AKR1C3: variants seen among roughly 807,000 people sequenced by gnomAD.
The protein encoded by AKR1C3 is 3-alpha hydroxysteroid dehydrogenase, type II.
In AKR1C3, 48 loss-of-function variants were observed where a neutral mutation model predicts 43.6. That is an observed-to-expected ratio of 1.10 (90% confidence interval 0.87 to 1.40). The LOEUF is 1.40. Among genes scored for constraint, AKR1C3 ranks in the 40% most tolerant of loss-of-function variants. The pLI is 0.00. For synonymous variants in AKR1C3, 162 were observed against 139.6 expected (o/e 1.16, Z -1.13); for missense variants, 482 against 391.2 (o/e 1.23, Z -1.96).
chr10:5,100,188 G>A (rs1839313498), intron 5 of AKR1C3, among the ~76,000 whole-genome samples: 1 of 152,226 alleles, frequency 6.6e-6, no homozygotes, highest in Admixed American at 6.5e-5. Context: ...CAGCTACTTG[G>A]GAGGCTGAGG....
chr10:5,060,975 G>A lies in AKR1C3; in HGVS notation c.84+12080G>A, dbSNP rs115954612. Among the ~76,000 whole-genome samples the A allele has an allele frequency of 2.2e-3, 335 of 152,330 alleles. 2 individuals carry two copies. The highest frequency in any genetic ancestry group is 7.8e-3 in the African/African-American group (324 of 41,588). Reference sequence around the variant, plus strand: ...GAGCCCATGCCCACCTGGAACTCACGCTGGCCCACAAGCGTGGCGCACAGC... The same window carrying A: ...GAGCCCATGCCCACCTGGAACTCACACTGGCCCACAAGCGTGGCGCACAGC... On this transcript the variant is annotated intron_variant, in intron 1 of 8. Coordinates refer to the AKR1C3 transcript ENST00000439082.
At chr10:5,098,083 C>A in intron 3 of AKR1C3, 2 of 994,154 alleles carry the variant, frequency 2.0e-6, no homozygotes, top group Non-Finnish European at 2.4e-6. Flanking sequence ...CCAGGAATTA[C>A]TGTGTAGTGT....
intron 6 of AKR1C3, 26 bp from the exon 7 acceptor site, chr10:5,102,459 C>G (rs782657910): frequency 7.5e-6 from 11 of 1,470,422 alleles, no homozygotes; most frequent in Admixed American, 2.2e-5. Context: ...GCCTCAGGGC[C>G]TCAGCCTTTC....
At chr10:5,058,308 C>G (rs1338809785) in intron 1 of AKR1C3, among the ~76,000 whole-genome samples, 1 of 152,176 alleles carries the variant, frequency 6.6e-6, no homozygotes, top group Admixed American at 6.5e-5. Flanking sequence ...TGCCTTCCCT[C>G]TTAGAGAAAA....
upstream of AKR1C3, among the ~76,000 whole-genome samples, chr10:5,090,524 A>G (rs72549135): frequency 0.032 from 4,812 of 152,268 alleles, 256 homozygotes; most frequent in African/African-American, 0.11. Flanking sequence ...TAATTGGGGT[A>G]GAACCTCTTC....
chr10:5,107,477 A>AATTATCCATATTCAGATGAATATTAACAT lies in AKR1C3; in HGVS notation c.947_*3dup. Reference sequence around the variant, plus strand: ...TCTTTTCAGTTTTGCTAGCCACCCTAATTATCCATATTCAGATGAATATTA... The same window carrying AATTATCCATATTCAGATGAATATTAACAT: ...TCTTTTCAGTTTTGCTAGCCACCCTAATTATCCATATTCAGATGAATATTAACATATTATCCATATTCAGATGAATATTA... On this transcript the variant is annotated stop_gained and frameshift_variant, in exon 9 of 9. Transcript: ENST00000380554. LOFTEE classifies it high-confidence loss of function. The AATTATCCATATTCAGATGAATATTAACAT allele has an allele frequency of 1.3e-6, 2 of 1,584,458 alleles. No homozygotes were observed. The highest frequency in any genetic ancestry group is 1.7e-6 in the Non-Finnish European group (2 of 1,153,516).
At chr10:5,060,915 C>A (rs375546596) in intron 1 of AKR1C3, among the ~76,000 whole-genome samples, 1 of 152,224 alleles carries the variant, frequency 6.6e-6, no homozygotes, top group African/African-American at 2.4e-5. Context: ...CTGGGGCTTG[C>A]GGGCTGGCCA....
At chr10:5,052,087 C>G (rs1219137658) in intron 1 of AKR1C3, among the ~76,000 whole-genome samples, 1 of 152,128 alleles carries the variant, frequency 6.6e-6, no homozygotes, top group Admixed American at 6.5e-5. Flanking sequence ...TTTTTTCCTT[C>G]TGATGTTCGG....
At chr10:5,056,719 T>C (rs1184036836) in intron 1 of AKR1C3, among the ~76,000 whole-genome samples, 1 of 152,162 alleles carries the variant, frequency 6.6e-6, no homozygotes, top group Non-Finnish European at 1.5e-5. Flanking sequence ...AACAAATGGG[T>C]AACTTGTTTC....
At chr10:5,079,805 A>G (rs781958521) in intron 1 of AKR1C3, among the ~76,000 whole-genome samples, 53 of 152,022 alleles carry the variant, frequency 3.5e-4, no homozygotes, top group Admixed American at 1.5e-3. Context: ...TTGGAGTCTC[A>G]TATTTGCTGC....
At chr10:5,097,758 G>A in intron 3 of AKR1C3, 1 of 1,336,450 alleles carries the variant, frequency 7.5e-7, no homozygotes, top group Non-Finnish European at 9.6e-7. Context: ...AGAGAGTACA[G>A]CAACCTCAAA....
rs200366306 is a variant in AKR1C3, at chr10:5,103,366, C to CT, written c.846+724dup. Among the ~76,000 whole-genome samples the CT allele has an allele frequency of 1.1e-3, 158 of 149,570 alleles. 1 individual carries two copies. The highest frequency in any genetic ancestry group is 3.8e-3 in the African/African-American group (148 of 39,208). ...CTTTCTTTGACTCTTAGTTGCTTGTCTTTTTTTTAAGTATAGGAGACCATA... is the reference window on the plus strand; with the variant it reads ...CTTTCTTTGACTCTTAGTTGCTTGTCTTTTTTTTTAAGTATAGGAGACCATA... On this transcript the variant is annotated intron_variant, in intron 7 of 8. Coordinates refer to ENST00000380554, the MANE Select transcript of AKR1C3 (RefSeq NM_003739.6).
chr10:5,088,734 T>C (rs1554783620), intron 1 of AKR1C3, among the ~76,000 whole-genome samples: 1 of 151,858 alleles, frequency 6.6e-6, no homozygotes, highest in African/African-American at 2.4e-5. Flanking sequence ...ATAAAAGCTG[T>C]TGGGTCTTGT....
At chr10:5,090,747 A>G (rs782585355), upstream of AKR1C3, among the ~76,000 whole-genome samples, 4 of 152,144 alleles carry the variant, frequency 2.6e-5, no homozygotes, top group Non-Finnish European at 5.9e-5. Context: ...CAATTTTCCA[A>G]TTTCAAATTT....
intron 1 of AKR1C3, among the ~76,000 whole-genome samples, chr10:5,060,389 G>T (rs1216742192): frequency 1.3e-5 from 2 of 152,144 alleles, no homozygotes; most frequent in African/African-American, 4.8e-5. Context: ...GGTGCTGATT[G>T]GTGCATTTAC....
intron 1 of AKR1C3, among the ~76,000 whole-genome samples, chr10:5,075,916 G>C (rs879966482): frequency 6.6e-6 from 1 of 150,516 alleles, no homozygotes; most frequent in African/African-American, 2.4e-5. Context: ...ACGGGGGCTC[G>C]GATGTATTAC....
chr10:5,106,298 G>A (rs767909642), intron 8 of AKR1C3, among the ~76,000 whole-genome samples: 31 of 152,146 alleles, frequency 2.0e-4, no homozygotes, highest in Non-Finnish European at 4.1e-4. Flanking sequence ...GAGCTCTCAA[G>A]GCAGAGAATT....
chr10:5,052,475 G>A (rs978030544), intron 1 of AKR1C3, among the ~76,000 whole-genome samples: 4 of 147,734 alleles, frequency 2.7e-5, no homozygotes, highest in African/African-American at 1.1e-4. Context: ...AGAGCTGATT[G>A]GTCTGTTTTA....
intron 2 of AKR1C3, 88 bp from the exon 3 acceptor site, chr10:5,097,346 G>T: frequency 6.7e-7 from 1 of 1,496,980 alleles, no homozygotes; most frequent in Non-Finnish European, 9.0e-7. Context: ...TGAAGCAGTA[G>T]GAAAATATCT....
Sources: gnomAD v4.1 joint callset for allele counts (sites outside exome capture counted in the v4.1 genomes callset) on GRCh38, gnomAD v4.1.1 for gene constraint, MANE v1.5 for transcripts, NCBI Gene and HGNC (gene_info 2026-07-23, HGNC 2026-07-21) for gene names.